The following THOC2 variants were observed in gnomAD, a reference collection of about 807,000 sequenced individuals.
The protein encoded by THOC2 is THO complex subunit 2.
In THOC2, 10 loss-of-function variants were observed where a neutral mutation model predicts 128.4. The observed-to-expected ratio is 0.08, with a 90% CI of 0.05 to 0.13. The LOEUF is 0.13. Among genes scored for constraint, THOC2 ranks in the 10% least tolerant of loss-of-function variants. The pLI is 1.00. For synonymous variants in THOC2, 393 were observed against 396.9 expected (o/e 0.99, Z 0.12); for missense variants, 535 against 1,155.7 (o/e 0.46, Z 7.79).
chrX:123,719,236 TGA>T (rs2051578699), intron 1 of THOC2, among the ~76,000 whole-genome samples: 1 of 106,979 alleles, frequency 9.3e-6, no homozygotes, highest in Non-Finnish European at 1.9e-5. Context: ...GCAAAGGACT[TGA>T]GTAGACATTT....
At chrX:123,667,427 C>A (rs2049091429) in intron 10 of THOC2, 149 bp from the exon 11 acceptor site, 1 of 430,152 alleles carries the variant, frequency 2.3e-6, no homozygotes, top group African/African-American at 2.5e-5. Context: ...CAAGTACAAT[C>A]AAAATTTTTA....
At chrX:123,709,286 G>T (rs1430673713) in intron 2 of THOC2, among the ~76,000 whole-genome samples, 1 of 111,731 alleles carries the variant, frequency 9.0e-6, no homozygotes, top group East Asian at 2.8e-4. Flanking sequence ...TTCAGAAAGA[G>T]TAGTTTTAAG....
At chrX:123,644,145 T>C (rs2048034863) in intron 15 of THOC2, among the ~76,000 whole-genome samples, 3 of 112,613 alleles carry the variant, frequency 2.7e-5, no homozygotes, top group East Asian at 2.8e-4. Context: ...CCTATGGAGA[T>C]AGTTCTGGAT....
At chrX:123,615,354 T>C (rs752398609) in intron 33 of THOC2, among the ~76,000 whole-genome samples, 6 of 111,315 alleles carry the variant, frequency 5.4e-5, no homozygotes, top group African/African-American at 1.6e-4. Flanking sequence ...GGCTCAGAAA[T>C]ACTGCCATAG....
intron 7 of THOC2, among the ~76,000 whole-genome samples, chrX:123,694,616 A>G (rs1179333464): frequency 1.2e-5 from 1 of 85,990 alleles, no homozygotes; most frequent in African/African-American, 3.6e-5. Flanking sequence ...TAAAAAAAAA[A>G]AAAGAAAAAA....
At chrX:123,642,147 C>T (rs1365348808) in intron 15 of THOC2, among the ~76,000 whole-genome samples, 2 of 112,066 alleles carry the variant, frequency 1.8e-5, no homozygotes, top group Non-Finnish European at 3.8e-5. Flanking sequence ...AGGATGAAGC[C>T]GCGTGCAGTG....
rs145578943 is a variant in THOC2, at chrX:123,715,150, C to T, written c.72-2242G>A. 5.8e-3 allele frequency among the ~76,000 whole-genome samples: 619 copies of T among 107,175 alleles called. 5 individuals are homozygous for T. The highest frequency in any genetic ancestry group is 0.019 in the Middle Eastern group (4 of 209). The allele number at this position is 107,175 out of a possible 115,157, so 93.1% of individuals were successfully genotyped here. A position where few individuals can be genotyped will look rare whatever the true frequency, so the allele number is the denominator to read the frequency against. ...TCCCACCTCAGCCTCAGCACCACCA[C>T]CCCCCCAACATCCCATTAGGTGGGA... On this transcript the variant is annotated intron_variant, in intron 1 of 38. Coordinates refer to ENST00000245838, the MANE Select transcript of THOC2 (RefSeq NM_001081550.2).
At chrX:123,625,178 G>A (rs757605231) in intron 25 of THOC2, among the ~76,000 whole-genome samples, 2 of 111,282 alleles carry the variant, frequency 1.8e-5, no homozygotes, top group Non-Finnish European at 3.8e-5. Context: ...TGCAAGCTCC[G>A]CGTCTCAGGT....
intron 7 of THOC2, among the ~76,000 whole-genome samples, chrX:123,693,197 G>A (rs1022563477): frequency 2.7e-5 from 3 of 112,487 alleles, no homozygotes; most frequent in Middle Eastern, 4.7e-3. Flanking sequence ...GGGGGCTCAC[G>A]CCTGTAATCC....
intron 2 of THOC2, 92 bp downstream of exon 2, chrX:123,712,758 A>G: frequency 1.7e-6 from 1 of 572,957 alleles, no homozygotes; most frequent in Non-Finnish European, 2.8e-6. Flanking sequence ...GAACTATCTT[A>G]CACCTTTTGT....
At chrX:123,625,170 C>T (rs1471141632) in intron 25 of THOC2, among the ~76,000 whole-genome samples, 1 of 111,629 alleles carries the variant, frequency 9.0e-6, no homozygotes, top group Non-Finnish European at 1.9e-5. Flanking sequence ...AGGCTCACTG[C>T]AAGCTCCGCG....
At chrX:123,621,648 T>C (rs1226873859) in intron 30 of THOC2, 61 bp from the exon 31 acceptor site, 18 of 861,615 alleles carry the variant, frequency 2.1e-5, no homozygotes, top group African/African-American at 1.2e-4. Flanking sequence ...CTTTGATATA[T>C]GATAAAATAT....
At chrX:123,636,009 G>A in intron 19 of THOC2, 70 bp downstream of exon 19, 6 of 799,908 alleles carry the variant, frequency 7.5e-6, no homozygotes, top group Non-Finnish European at 1.1e-5. Context: ...CGGGATAACA[G>A]AGTCTCAATA....
intron 12 of THOC2, among the ~76,000 whole-genome samples, chrX:123,655,525 T>C (rs1480604563): frequency 1.8e-5 from 2 of 111,923 alleles, no homozygotes; most frequent in Non-Finnish European, 3.8e-5. Context: ...TAAACAGCTA[T>C]ATATACCTAC....
chrX:123,658,656 C>T (rs761771542), intron 12 of THOC2, among the ~76,000 whole-genome samples: 19 of 112,423 alleles, frequency 1.7e-4, no homozygotes, highest in African/African-American at 4.5e-4. Context: ...GGCAAAACCA[C>T]GCAGACAATG....
intron 4 of THOC2, among the ~76,000 whole-genome samples, chrX:123,701,676 A>C (rs573255246): frequency 6.6e-5 from 7 of 106,755 alleles, no homozygotes; most frequent in South Asian, 4.0e-4. Context: ...AATTTGTTTC[A>C]TGATGTATTT....
chrX:123,713,329 G>A (rs1378791813), intron 1 of THOC2, among the ~76,000 whole-genome samples: 1 of 110,183 alleles, frequency 9.1e-6, no homozygotes, highest in Non-Finnish European at 1.9e-5. Flanking sequence ...AAAGAAATTA[G>A]TCAGGCGTGG....
chrX:123,703,412 C>A, intron 4 of THOC2, 42 bp downstream of exon 4: 1 of 847,230 alleles, frequency 1.2e-6, no homozygotes, highest in Non-Finnish European at 1.7e-6. Flanking sequence ...ATTTGATTTA[C>A]CACACAGCAC....
intron 18 of THOC2, among the ~76,000 whole-genome samples, chrX:123,637,164 A>T (rs1452747022): frequency 1.8e-5 from 2 of 111,772 alleles, no homozygotes; most frequent in Non-Finnish European, 3.8e-5. Context: ...AGATGAGGCT[A>T]GAACAGTGCA....
Sources: gnomAD v4.1 joint callset for allele counts (sites outside exome capture counted in the v4.1 genomes callset) on GRCh38, gnomAD v4.1.1 for gene constraint, MANE v1.5 for transcripts, NCBI Gene and HGNC (gene_info 2026-07-23, HGNC 2026-07-21) for gene names.